Variants in MORN1 observed in about 807,000 individuals in gnomAD.
The protein encoded by MORN1 is MORN repeat-containing protein 1.
Under a neutral mutation model 61.9 loss-of-function variants are expected in MORN1, and 67 were observed. The ratio of observed to expected loss-of-function variants is 1.08; its 90% CI spans 0.89 to 1.33. The LOEUF (loss-of-function observed/expected upper bound fraction) is 1.33, where lower values mean the gene tolerates loss of function less well. Among genes scored for constraint, MORN1 ranks in the 40% most tolerant of loss-of-function variants. MORN1 has a pLI of 0.00. For synonymous variants in MORN1, 301 were observed against 292.0 expected (o/e 1.03, Z -0.31); for missense variants, 752 against 691.2 (o/e 1.09, Z -0.99).
At position 2,336,850 on chromosome 1, in the gene MORN1, G is replaced by C; in HGVS notation, c.1037C>G (p.Ala346Gly). The part of the protein sequence containing the change: ...GQEDTPGGLL[A>G]RGHAPHCPGA... ...GGGACAATGGGGCGCATGTCCCCTG[G>C]CTGAGGAGACAGAATGAAGAAAGAC... The change falls in exon 11 of 14, where the codon GCC (alanine) becomes GGC (glycine). Residue 346 changes from alanine to glycine, a missense_variant and splice_region_variant. Coordinates refer to ENST00000378531, the MANE Select transcript of MORN1 (RefSeq NM_024848.3). 4 of 1,559,592 alleles carry C rather than the reference G, an allele frequency of 2.6e-6. No individual in the cohort carries two copies. The highest frequency in any genetic ancestry group is 3.5e-6 in the Non-Finnish European group (4 of 1,155,764).
chr1:2,341,522 C>T (rs1474671634), intron 10 of MORN1, among the ~76,000 whole-genome samples: 1 of 152,098 alleles, frequency 6.6e-6, no homozygotes, highest in African/African-American at 2.4e-5. Flanking sequence ...GAAACCCCGT[C>T]TCTACTAAAA....
chr1:2,336,653 G>A (rs911059548), intron 11 of MORN1, 64 bp downstream of exon 11: 40 of 1,568,728 alleles, frequency 2.5e-5, no homozygotes, highest in South Asian at 1.5e-4. Flanking sequence ...GTGTTGAGGT[G>A]GTGGGTGGGC....
chr1:2,362,612 G>A (rs1038852254), intron 8 of MORN1, among the ~76,000 whole-genome samples: 1 of 152,180 alleles, frequency 6.6e-6, no homozygotes, highest in Non-Finnish European at 1.5e-5. Flanking sequence ...AGAAATAATG[G>A]TTGAAAAATT....
intron 13 of MORN1, chr1:2,323,682 C>T (rs879680169): frequency 4.6e-5 from 45 of 985,136 alleles, no homozygotes; most frequent in Middle Eastern, 5.2e-4. Context: ...AGGAGCCTTC[C>T]GCCCAGCCCA....
intron 9 of MORN1, 147 bp downstream of exon 9, chr1:2,358,445 G>T: frequency 9.1e-7 from 1 of 1,103,796 alleles, no homozygotes. Context: ...CAAGGGAGCT[G>T]TTTCCTTAGA....
Position 2,334,700 on chromosome 1 carries a change from G to A in MORN1, c.1250+1769C>T, listed in dbSNP as rs990597929. Among the ~76,000 whole-genome samples the A allele has an allele frequency of 6.6e-6, 1 of 152,212 alleles. No individual in the cohort carries two copies. The highest frequency in any genetic ancestry group is 2.4e-5 in the African/African-American group (1 of 41,454). ...AACACTCCGACTCCGCGGCCAGGTC[G>A]TCCTGGGATTGAAACAATCCTAGTC... is the stretch of plus-strand genomic sequence containing the variant. On this transcript the variant is annotated intron_variant, in intron 12 of 13. Coordinates refer to ENST00000378531, the MANE Select transcript of MORN1 (RefSeq NM_024848.3). This position sits in a 1 kb window ranked among gnomAD's most constrained non-coding sequence, Gnocchi z 5.4.
intron 6 of MORN1, among the ~76,000 whole-genome samples, chr1:2,381,410 A>T (rs1276002836): frequency 1.3e-5 from 2 of 152,152 alleles, no homozygotes; most frequent in African/African-American, 4.8e-5. Flanking sequence ...AGGCCAGGGG[A>T]CTGCTGCCAC....
intron 10 of MORN1, among the ~76,000 whole-genome samples, chr1:2,340,226 C>T (rs181404453): frequency 3.3e-5 from 5 of 152,224 alleles, no homozygotes; most frequent in East Asian, 1.9e-4. Flanking sequence ...GTGGTCACCT[C>T]GCTTCCCATG....
At chr1:2,327,323 AAC>A (rs924065301) in intron 12 of MORN1, among the ~76,000 whole-genome samples, 1 of 150,814 alleles carries the variant, frequency 6.6e-6, no homozygotes, top group African/African-American at 2.4e-5. Flanking sequence ...GAGACACAGA[AAC>A]ACACAGAAAC....
chr1:2,340,787 C>G (rs1472318), intron 10 of MORN1, among the ~76,000 whole-genome samples: 1 of 152,086 alleles, frequency 6.6e-6, no homozygotes, highest in Admixed American at 6.5e-5. Flanking sequence ...CAGGCCACCA[C>G]GCAGGGCACG....
Position 2,329,373 on chromosome 1 carries a change from C to T in MORN1, c.1251-5230G>A, listed in dbSNP as rs937384395. Reference sequence around the variant, plus strand: ...AAGAACCCAGTCAATCCCTTTCTCTCGTGGCTGAACTCCCACCTGGAGGCG... The same window carrying T: ...AAGAACCCAGTCAATCCCTTTCTCTTGTGGCTGAACTCCCACCTGGAGGCG... On this transcript the variant is annotated intron_variant, in intron 12 of 13. Coordinates refer to ENST00000378531, the MANE Select transcript of MORN1 (RefSeq NM_024848.3). 1.8e-4 allele frequency among the ~76,000 whole-genome samples: 27 copies of T among 152,328 alleles called. 1 individual carries two copies. Among genetic ancestry groups the T allele is most frequent in the African/African-American group, 5.5e-4 (23 of 41,590 alleles).
At chr1:2,354,503 G>T (rs1318141073) in intron 10 of MORN1, among the ~76,000 whole-genome samples, 1 of 152,170 alleles carries the variant, frequency 6.6e-6, no homozygotes, top group African/African-American at 2.4e-5. Context: ...GGAGGTGGAG[G>T]CTGCGATGAG....
At chr1:2,353,873 G>T (rs1472150125) in intron 10 of MORN1, among the ~76,000 whole-genome samples, 1 of 152,244 alleles carries the variant, frequency 6.6e-6, no homozygotes, top group Non-Finnish European at 1.5e-5. Context: ...GGGAAGAAAA[G>T]TTTGTGTCAA....
intron 10 of MORN1, among the ~76,000 whole-genome samples, chr1:2,338,981 A>G (rs1452235563): frequency 1.3e-5 from 2 of 152,170 alleles, no homozygotes; most frequent in Non-Finnish European, 2.9e-5. Flanking sequence ...GGAAGAGGAC[A>G]GAGGACACCA....
intron 2 of MORN1, among the ~76,000 whole-genome samples, chr1:2,388,801 G>T (rs796517886): frequency 5.8e-5 from 7 of 120,794 alleles, no homozygotes; most frequent in African/African-American, 1.7e-4. Context: ...AAAAAAAAAA[G>T]AGAGAGAGAG....
In MORN1 at chr1:2,336,712, C is replaced by T. The variant is rs1641287505; in HGVS notation, c.1170+5G>A. On this transcript the variant is annotated splice_donor_5th_base_variant and intron_variant, in intron 11 of 13. Transcript: ENST00000378531. ...GTGGCCTCCCCGCCCCCCGTGGGCACCCACCTTGTGGAGGCTGTCCAGGAA... is the reference window on the plus strand; with the variant it reads ...GTGGCCTCCCCGCCCCCCGTGGGCATCCACCTTGTGGAGGCTGTCCAGGAA... The T allele has an allele frequency of 2.6e-6, 4 of 1,556,658 alleles. No individual in the cohort carries two copies. The African/African-American group carries it at 4.1e-5, about 16-fold the overall frequency.
At chr1:2,362,501 C>T (rs1641910404) in intron 8 of MORN1, among the ~76,000 whole-genome samples, 1 of 152,122 alleles carries the variant, frequency 6.6e-6, no homozygotes, top group Non-Finnish European at 1.5e-5. Context: ...AAAGAAAAAA[C>T]AGAAGGAAGA....
At chr1:2,338,152 G>A (rs1641320022) in intron 10 of MORN1, among the ~76,000 whole-genome samples, 1 of 152,196 alleles carries the variant, frequency 6.6e-6, no homozygotes, top group South Asian at 2.1e-4. Context: ...CTTTCCCGGA[G>A]CCCAGCTTCT....
chr1:2,352,305 T>A (rs1371473699), intron 10 of MORN1: 1 of 167,104 alleles, frequency 6.0e-6, no homozygotes, highest in Non-Finnish European at 1.3e-5. Flanking sequence ...GACCATGAGG[T>A]GGTGCAGGAA....
Sources: allele counts gnomAD v4.1 joint callset (sites outside exome capture counted in the v4.1 genomes callset), GRCh38; gene constraint gnomAD v4.1.1; non-coding constraint Gnocchi (gnomAD v3.1); transcripts MANE v1.5; gene names NCBI Gene and HGNC (gene_info 2026-07-23, HGNC 2026-07-21).